TBC1D4: variants seen among roughly 807,000 people sequenced by gnomAD.
TBC1D4 encodes TBC1 domain family member 4, also known as TBC (Tre-2, BUB2, CDC16) domain-containing protein.
TBC1D4 carries 121 observed loss-of-function variants against 142.5 expected under a neutral mutation model. That is an observed-to-expected ratio of 0.85 (90% CI 0.73 to 0.99). The LOEUF is 0.99. Ranked by LOEUF, TBC1D4 falls within the 50% of genes least tolerant of loss-of-function variation. The pLI is 0.00. For synonymous variants in TBC1D4, 630 were observed against 628.2 expected (o/e 1.00, Z -0.04); for missense variants, 1,475 against 1,606.6 (o/e 0.92, Z 1.40).
Position 75,403,111 on chromosome 13 carries a change from C to T in TBC1D4, c.499-40504G>A, listed in dbSNP as rs183416370. Among the ~76,000 whole-genome samples the T allele has an allele frequency of 7.1e-4, 108 of 152,328 alleles. 1 individual carries two copies. Among genetic ancestry groups the T allele is most frequent in the Admixed American group, 4.6e-4 (7 of 15,298 alleles). ...GCATGCAGGGCTAAAATAAACCAAA[C>T]CAGCAGACTGAACTGCCTTTCACCC... On this transcript the variant is annotated intron_variant, in intron 1 of 20. Coordinates refer to ENST00000377636, the MANE Select transcript of TBC1D4 (RefSeq NM_014832.5).
chr13:75,394,676 T>G (rs1884689574), intron 1 of TBC1D4, among the ~76,000 whole-genome samples: 1 of 152,206 alleles, frequency 6.6e-6, no homozygotes, highest in Non-Finnish European at 1.5e-5. Flanking sequence ...TTTAAAAAAA[T>G]TAAAAAGTAT....
intron 12 of TBC1D4, among the ~76,000 whole-genome samples, chr13:75,313,720 C>G (rs1253649378): frequency 6.6e-6 from 1 of 152,106 alleles, no homozygotes; most frequent in Non-Finnish European, 1.5e-5. Context: ...GAGACCGGGT[C>G]CCATTGTGTT....
At chr13:75,375,929 T>C (rs1178657100) in intron 1 of TBC1D4, 1 of 152,168 alleles carries the variant, frequency 6.6e-6, no homozygotes, top group Non-Finnish European at 1.5e-5. Context: ...GATAGCCATT[T>C]ACCTAGTTCA....
In TBC1D4 at chr13:75,317,331, T is replaced by A. The variant is rs574744583; in HGVS notation, c.2222+2683A>T. Among the ~76,000 whole-genome samples the A allele has an allele frequency of 6.0e-4, 91 of 152,356 alleles. No individual in the cohort carries two copies. In the South Asian group the frequency reaches 0.019, roughly 31 times the overall value. ...ACTAAGCCTTTTGATTGGGTACTTC[T>A]CTTTCCATTTTTTAATGGATTAATT... On this transcript the variant is annotated intron_variant, in intron 12 of 20. Coordinates refer to ENST00000377636, the MANE Select transcript of TBC1D4 (RefSeq NM_014832.5).
At chr13:75,432,666 T>C (rs983271371) in intron 1 of TBC1D4, among the ~76,000 whole-genome samples, 11 of 152,202 alleles carry the variant, frequency 7.2e-5, no homozygotes, top group Middle Eastern at 3.4e-3. Flanking sequence ...AGTAAAGACA[T>C]AGAAGAAAGG....
chr13:75,296,634 T>C (rs1875957583), intron 17 of TBC1D4, among the ~76,000 whole-genome samples: 1 of 151,772 alleles, frequency 6.6e-6, no homozygotes, highest in African/African-American at 2.4e-5. Context: ...ACCTTATAGA[T>C]ACCAAGGCAA....
At chr13:75,404,318 A>C (rs1246593711) in intron 1 of TBC1D4, among the ~76,000 whole-genome samples, 2 of 152,188 alleles carry the variant, frequency 1.3e-5, no homozygotes, top group Non-Finnish European at 2.9e-5. Flanking sequence ...CTTATAAATC[A>C]CACCCAGTTT....
intron 5 of TBC1D4, among the ~76,000 whole-genome samples, chr13:75,346,456 G>A (rs1014479244): frequency 6.6e-6 from 1 of 152,146 alleles, no homozygotes; most frequent in Non-Finnish European, 1.5e-5. Flanking sequence ...CTTCATCCAT[G>A]TCCCTGCAAA....
intron 1 of TBC1D4, among the ~76,000 whole-genome samples, chr13:75,382,267 A>G (rs1263577793): frequency 6.6e-6 from 1 of 152,212 alleles, no homozygotes; most frequent in Non-Finnish European, 1.5e-5. Context: ...TGAGTGTCCA[A>G]TGTCTATTTA....
At chr13:75,336,795 A>T in intron 8 of TBC1D4, 126 bp downstream of exon 8, 1 of 1,212,354 alleles carries the variant, frequency 8.2e-7, no homozygotes, top group Non-Finnish European at 1.2e-6. Flanking sequence ...AATTTTTAAA[A>T]GTTATCTTAG....
chr13:75,465,793 C>T (rs1888141849), intron 1 of TBC1D4, among the ~76,000 whole-genome samples: 2 of 152,118 alleles, frequency 1.3e-5, no homozygotes, highest in Admixed American at 6.6e-5. Context: ...AGCCTACTAC[C>T]TAGAGATTTT....
chr13:75,421,546 C>A (rs1886170008), intron 1 of TBC1D4, among the ~76,000 whole-genome samples: 1 of 152,128 alleles, frequency 6.6e-6, no homozygotes, highest in African/African-American at 2.4e-5. Flanking sequence ...GTAACAAGAA[C>A]TCCAGAATAA....
intron 1 of TBC1D4, among the ~76,000 whole-genome samples, chr13:75,439,867 AAAAAG>A (rs879600609): frequency 1.0e-3 from 155 of 152,308 alleles, no homozygotes; most frequent in Admixed American, 8.6e-3. Context: ...TCAAAAAAAG[AAAAAG>A]AAAAGAAAAG....
intron 14 of TBC1D4, among the ~76,000 whole-genome samples, chr13:75,308,436 C>G (rs1877396084): frequency 6.6e-6 from 1 of 152,164 alleles, no homozygotes; most frequent in African/African-American, 2.4e-5. Flanking sequence ...CAGTATGTCA[C>G]TATTTGACCT....
intron 5 of TBC1D4, among the ~76,000 whole-genome samples, chr13:75,343,301 A>G (rs1045369725): frequency 2.0e-5 from 3 of 152,244 alleles, no homozygotes; most frequent in Non-Finnish European, 2.9e-5. Flanking sequence ...GAAAGCACAC[A>G]GTACTGCCAT....
intron 19 of TBC1D4, among the ~76,000 whole-genome samples, chr13:75,291,077 A>C (rs1039281906): frequency 6.6e-6 from 1 of 152,214 alleles, no homozygotes; most frequent in Non-Finnish European, 1.5e-5. Context: ...GGTCCCTATG[A>C]AGAGTCAAGG....
intron 13 of TBC1D4, 106 bp downstream of exon 13, chr13:75,312,632 T>A: frequency 1.4e-6 from 2 of 1,458,992 alleles, no homozygotes; most frequent in Non-Finnish European, 1.9e-6. Flanking sequence ...CAGAAAGATA[T>A]TTCTACACTG....
chr13:75,410,430 A>T (rs141239394), intron 1 of TBC1D4, among the ~76,000 whole-genome samples: 376 of 152,242 alleles, frequency 2.5e-3, no homozygotes, highest in African/African-American at 8.8e-3. Flanking sequence ...CACGCTAATG[A>T]ATTATGCCCC....
At chr13:75,403,116 A>G (rs1885178992) in intron 1 of TBC1D4, among the ~76,000 whole-genome samples, 1 of 152,220 alleles carries the variant, frequency 6.6e-6, no homozygotes, top group Admixed American at 6.5e-5. Context: ...CCAAACCAGC[A>G]GACTGAACTG....
Sources: gnomAD v4.1 joint callset for allele counts (sites outside exome capture counted in the v4.1 genomes callset) on GRCh38, gnomAD v4.1.1 for gene constraint, MANE v1.5 for transcripts, NCBI Gene and HGNC (gene_info 2026-07-23, HGNC 2026-07-21) for gene names.